Variants in POU2F3 observed in about 807,000 individuals in gnomAD.
The protein encoded by POU2F3 is POU class 2 homeobox 3, also known as POU domain, class 2, transcription factor 3.
Under a neutral mutation model 59.2 loss-of-function variants are expected in POU2F3, and 23 were observed. The observed-to-expected ratio is 0.39, with a 90% CI of 0.28 to 0.55. The LOEUF (loss-of-function observed/expected upper bound fraction) is 0.55, where lower values mean the gene tolerates loss of function less well. POU2F3 is among the 20% of genes least tolerant of loss of function. The pLI is 0.66. For synonymous variants in POU2F3, 190 were observed against 214.6 expected (o/e 0.89, Z 1.00); for missense variants, 473 against 544.5 (o/e 0.87, Z 1.31).
intron 8 of POU2F3, 152 bp from the exon 9 acceptor site, chr11:120,307,327 G>T: frequency 1.2e-6 from 1 of 852,366 alleles, no homozygotes; most frequent in Non-Finnish European, 1.8e-6. Flanking sequence ...AGGATTCTTG[G>T]TCTGTTCTGG....
At chr11:120,236,788 G>T, upstream of POU2F3, 1 of 1,341,280 alleles carries the variant, frequency 7.5e-7, no homozygotes, top group Non-Finnish European at 1.0e-6. Flanking sequence ...AAGGAATAAA[G>T]ATTGCTCACC....
chr11:120,240,108 GC>G, upstream of POU2F3: 1 of 1,151,248 alleles, frequency 8.7e-7, no homozygotes, highest in Non-Finnish European at 1.1e-6. Context: ...GTGGCCGGCG[GC>G]CCCCGCCCCG....
chr11:120,316,989 A>G (rs1941804136), intron 11 of POU2F3, among the ~76,000 whole-genome samples: 1 of 152,132 alleles, frequency 6.6e-6, no homozygotes, highest in Non-Finnish European at 1.5e-5. Flanking sequence ...AGACTTGCAG[A>G]ACCAGCCACA....
At chr11:120,237,372 G>A (rs1938530175), upstream of POU2F3, among the ~76,000 whole-genome samples, 1 of 151,880 alleles carries the variant, frequency 6.6e-6, no homozygotes, top group African/African-American at 2.4e-5. Flanking sequence ...CACACTCCAA[G>A]TTTGGAACCC....
intron 2 of POU2F3, among the ~76,000 whole-genome samples, chr11:120,262,814 G>A (rs1939654377): frequency 1.3e-5 from 2 of 152,090 alleles, no homozygotes; most frequent in African/African-American, 4.8e-5. Context: ...CCAATATGAA[G>A]TAGAAAAGCG....
intron 1 of POU2F3, 88 bp downstream of exon 1, chr11:120,240,459 G>C (rs1391589139): frequency 2.4e-6 from 3 of 1,271,306 alleles, no homozygotes; most frequent in Non-Finnish European, 3.0e-6. Context: ...TTAGGGAGGG[G>C]GGCTTGTTTC....
chr11:120,306,335 C>T (rs1013450963), intron 8 of POU2F3, among the ~76,000 whole-genome samples: 3 of 152,092 alleles, frequency 2.0e-5, no homozygotes, highest in Non-Finnish European at 4.4e-5. Context: ...GGGTGGTGGC[C>T]GGGAGGCAAC....
intron 3 of POU2F3, among the ~76,000 whole-genome samples, chr11:120,271,566 C>T (rs917855905): frequency 1.2e-4 from 18 of 152,244 alleles, no homozygotes; most frequent in Admixed American, 6.5e-4. Flanking sequence ...TCTTCCATAC[C>T]GAGACATGGC....
chr11:120,278,632 G>T (rs1478559345), intron 3 of POU2F3, among the ~76,000 whole-genome samples: 1 of 152,216 alleles, frequency 6.6e-6, no homozygotes, highest in African/African-American at 2.4e-5. Flanking sequence ...AGCAAGGGGT[G>T]TGTAAACCAG....
chr11:120,240,847 G>C (rs1459982713), intron 1 of POU2F3, among the ~76,000 whole-genome samples: 1 of 152,182 alleles, frequency 6.6e-6, no homozygotes. Flanking sequence ...AGGAGAAGTG[G>C]CTGAGGTGGG....
Position 120,302,381 on chromosome 11 carries a change from A to G in POU2F3, c.444+13A>G, listed in dbSNP as rs1260664669. On this transcript the variant is annotated intron_variant, in intron 6 of 12. Coordinates refer to ENST00000543440, the MANE Select transcript of POU2F3 (RefSeq NM_014352.4). ...ACTGGCATCCCAGGTAAACAACCCC[A>G]TTCTTCCTGTTTCCTCTAGGAATGT... is the stretch of plus-strand genomic sequence containing the variant. 8.9e-6 allele frequency: 14 copies of G among 1,573,106 alleles called. No homozygotes were observed. Among genetic ancestry groups the G allele is most frequent in the Non-Finnish European group, 1.2e-5 (14 of 1,143,084 alleles).
intron 4 of POU2F3, among the ~76,000 whole-genome samples, chr11:120,298,873 C>G (rs746565428): frequency 6.6e-6 from 1 of 152,220 alleles, no homozygotes; most frequent in Non-Finnish European, 1.5e-5. Context: ...CAGGGATCAC[C>G]TGGGGGAGAA....
At chr11:120,283,561 T>C (rs773618803) in intron 3 of POU2F3, among the ~76,000 whole-genome samples, 16 of 152,128 alleles carry the variant, frequency 1.1e-4, no homozygotes, top group African/African-American at 3.9e-4. Flanking sequence ...TCTGGAATGA[T>C]GGAAGCTCCC....
At chr11:120,241,896 G>A (rs973163804) in intron 1 of POU2F3, among the ~76,000 whole-genome samples, 1 of 152,124 alleles carries the variant, frequency 6.6e-6, no homozygotes, top group African/African-American at 2.4e-5. Flanking sequence ...GGATGAGGTT[G>A]AGGCATAGGG....
chr11:120,295,253 G>A (rs1941162024), intron 3 of POU2F3, among the ~76,000 whole-genome samples: 1 of 152,244 alleles, frequency 6.6e-6, no homozygotes, highest in South Asian at 2.1e-4. Flanking sequence ...CAAAGCACAT[G>A]TTTTCAAGCT....
At chr11:120,252,575 T>G (rs1192853425) in intron 2 of POU2F3, among the ~76,000 whole-genome samples, 2 of 152,174 alleles carry the variant, frequency 1.3e-5, no homozygotes, top group Non-Finnish European at 2.9e-5. Flanking sequence ...GGGAAATTAG[T>G]AAGTACTGAT....
chr11:120,244,146 C>T (rs972365186), intron 1 of POU2F3, among the ~76,000 whole-genome samples: 4 of 152,330 alleles, frequency 2.6e-5, no homozygotes, highest in African/African-American at 7.2e-5. Context: ...TGCCTCTTAA[C>T]TTTTTCCTGT....
chr11:120,299,752 A>G (rs1323140049), intron 5 of POU2F3, 26 bp downstream of exon 5: 2 of 1,588,068 alleles, frequency 1.3e-6, no homozygotes, highest in African/African-American at 2.7e-5. Context: ...GTTTCCACCT[A>G]GACCAAGTCC....
upstream of POU2F3, among the ~76,000 whole-genome samples, chr11:120,238,827 T>TAAAAAAA (rs56948018): frequency 6.0e-4 from 29 of 48,360 alleles, no homozygotes; most frequent in African/African-American, 2.2e-3. Context: ...AGACTCTGTC[T>TAAAAAAA]AAAAAAAAAA....
Sources: gnomAD v4.1 joint callset for allele counts (sites outside exome capture counted in the v4.1 genomes callset) on GRCh38, gnomAD v4.1.1 for gene constraint, MANE v1.5 for transcripts, NCBI Gene and HGNC (gene_info 2026-07-23, HGNC 2026-07-21) for gene names.